The following DZIP1L variants were observed in gnomAD, a reference collection of about 807,000 sequenced individuals.
The protein encoded by DZIP1L is DAZ interacting zinc finger protein 1 like, also known as cilium assembly protein DZIP1L.
A neutral mutation model predicts 88.7 loss-of-function variants in DZIP1L; 90 were observed. The observed-to-expected ratio is 1.02, with a 90% CI of 0.86 to 1.21. The LOEUF is 1.21. Among genes scored for constraint, DZIP1L ranks in the 50% most tolerant of loss-of-function variants. DZIP1L has a pLI of 0.00. For missense variants in DZIP1L, 932 were observed against 955.8 expected (o/e 0.98, Z 0.33); for synonymous variants, 363 against 372.1 (o/e 0.98, Z 0.28).
At chr3:138,114,585 G>C (rs919845326) in intron 1 of DZIP1L, among the ~76,000 whole-genome samples, 3 of 152,154 alleles carry the variant, frequency 2.0e-5, no homozygotes, top group African/African-American at 7.2e-5. Flanking sequence ...CTGCAGATGA[G>C]GGTGTGAGAA....
intron 1 of DZIP1L, among the ~76,000 whole-genome samples, chr3:138,105,170 A>C (rs2042446635): frequency 1.3e-5 from 2 of 152,164 alleles, no homozygotes; most frequent in Admixed American, 1.3e-4. Flanking sequence ...TTTTAATGAC[A>C]TATTAATATA....
intron 7 of DZIP1L, among the ~76,000 whole-genome samples, chr3:138,085,315 A>C (rs1398240798): frequency 6.6e-6 from 1 of 152,212 alleles, no homozygotes; most frequent in African/African-American, 2.4e-5. Context: ...CAGAGTGAAC[A>C]GGCAACCTAC....
At chr3:138,067,472 G>C in intron 14 of DZIP1L, 59 bp downstream of exon 14, 1 of 1,507,320 alleles carries the variant, frequency 6.6e-7, no homozygotes, top group Non-Finnish European at 8.8e-7. Context: ...TGAGAAATCT[G>C]GGCTGGAGAA....
intron 11 of DZIP1L, among the ~76,000 whole-genome samples, chr3:138,072,828 C>G (rs1205972839): frequency 6.6e-6 from 1 of 152,164 alleles, no homozygotes; most frequent in Non-Finnish European, 1.5e-5. Flanking sequence ...TGGTGGGGCA[C>G]AGTGCGAGTG....
Position 138,104,755 on chromosome 3 carries a change from CT to C in DZIP1L, c.-81-704del, listed in dbSNP as rs540564463. ...CACATGGTGCTCAATCCATCATGGG[CT>C]TTTTTTTAACTTAATAGTTAAGTAA... On this transcript the variant is annotated intron_variant, in intron 1 of 15. Coordinates refer to ENST00000327532, the MANE Select transcript of DZIP1L (RefSeq NM_173543.3). 6.9e-4 allele frequency among the ~76,000 whole-genome samples: 105 copies of C among 152,006 alleles called. 1 individual carries two copies. Among genetic ancestry groups the C allele is most frequent in the Admixed American group, 2.7e-3 (41 of 15,266 alleles).
chr3:138,080,398 C>A, intron 10 of DZIP1L, 169 bp downstream of exon 10: 1 of 622,604 alleles, frequency 1.6e-6, no homozygotes, highest in Admixed American at 2.9e-5. Context: ...ACCTGCATGT[C>A]ACATGCCTGG....
In DZIP1L at chr3:138,064,678, TA is replaced by T. The variant is rs747435690; in HGVS notation, c.2091del (p.Phe697LeufsTer80). On this transcript the variant is annotated frameshift_variant, in exon 15 of 16. Coordinates refer to ENST00000327532, the MANE Select transcript of DZIP1L (RefSeq NM_173543.3). LOFTEE classifies it high-confidence loss of function. ...KKPAGGVSLF[F>X]MPNAGPQRAA... ...GCCCTCTGTGGCCCAGCATTGGGCA[TA>T]AAAAACAGACTGACCCCTCCAGCAG... 1 of 1,614,100 alleles carries T rather than the reference TA, an allele frequency of 6.2e-7. No individual in the cohort carries two copies. The highest frequency in any genetic ancestry group is 8.5e-7 in the Non-Finnish European group (1 of 1,179,998).
In DZIP1L at chr3:138,103,905, T is replaced by A. The variant is rs776470429; in HGVS notation, c.67A>T (p.Thr23Ser). Residue 23 changes from threonine to serine, a missense_variant, in exon 2 of 16, where the codon ACC (threonine) becomes TCC (serine). Thr to Ser is a moderately conservative substitution (Grantham distance 58). Transcript: ENST00000327532. Reference sequence around the variant, plus strand: ...TCATGGCGAGGCTGAAACTTGAAGGTGGGGAACGTGTAGGCCCCAAAGAGG... The same window carrying A: ...TCATGGCGAGGCTGAAACTTGAAGGAGGGGAACGTGTAGGCCCCAAAGAGG... ...GPLFGAYTFP[T>S]FKFQPRHDSM... 1 of 1,613,430 alleles carries A rather than the reference T, an allele frequency of 6.2e-7. No individual in the cohort carries two copies. The highest frequency in any genetic ancestry group is 8.5e-7 in the Non-Finnish European group (1 of 1,179,990).
At chr3:138,107,435 GCTTGATATTGGA>G (rs1332173200) in intron 1 of DZIP1L, among the ~76,000 whole-genome samples, 9 of 152,174 alleles carry the variant, frequency 5.9e-5, no homozygotes, top group South Asian at 2.1e-4. Context: ...TGGACTTCAA[GCTTGATATTGGA>G]CTTGATATTG....
chr3:138,106,391 G>C (rs1383167312), intron 1 of DZIP1L, among the ~76,000 whole-genome samples: 2 of 151,208 alleles, frequency 1.3e-5, no homozygotes, highest in South Asian at 4.2e-4. Flanking sequence ...ACCCGCCTCA[G>C]CCTCCCAAAG....
chr3:138,092,663 A>G, intron 4 of DZIP1L, 119 bp from the exon 5 acceptor site: 1 of 1,007,560 alleles, frequency 9.9e-7, no homozygotes, highest in Middle Eastern at 3.3e-4. Context: ...AAGAGCATTC[A>G]TCCCACAGTT....
intron 2 of DZIP1L, 61 bp from the exon 3 acceptor site, chr3:138,097,908 T>C: frequency 6.9e-7 from 1 of 1,458,522 alleles, no homozygotes; most frequent in South Asian, 1.2e-5. Flanking sequence ...GCCTGGGATT[T>C]TCCCTATATC....
chr3:138,081,394 G>A (rs907724058), intron 9 of DZIP1L, among the ~76,000 whole-genome samples: 3 of 152,126 alleles, frequency 2.0e-5, no homozygotes, highest in Admixed American at 1.3e-4. Context: ...AAAAGTTGCT[G>A]GCAACCCTGA....
In DZIP1L at chr3:138,088,475, C is replaced by A; in HGVS notation, c.903G>T (p.Met301Ile). ...CTCGCAGTGATCCCAGCTTGGACTC[C>A]ATCACACTGTGGGACTGCAGTGCCC... ...KLRALQSHSVMESKLGSLRDE... is the reference protein window; with the variant it reads ...KLRALQSHSVIESKLGSLRDE... Residue 301 changes from methionine to isoleucine, a missense_variant, in exon 6 of 16, where the codon ATG becomes ATT. Met to Ile is a conservative substitution (Grantham distance 10, BLOSUM62 1). Coordinates refer to ENST00000327532, the MANE Select transcript of DZIP1L (RefSeq NM_173543.3). 2 of 1,613,988 alleles carry A rather than the reference C, an allele frequency of 1.2e-6. No homozygotes were observed. Among genetic ancestry groups the A allele is most frequent in the Non-Finnish European group, 1.7e-6 (2 of 1,179,952 alleles).
chr3:138,094,455 G>A (rs964821647), intron 4 of DZIP1L, among the ~76,000 whole-genome samples: 2 of 152,164 alleles, frequency 1.3e-5, no homozygotes, highest in African/African-American at 4.8e-5. Flanking sequence ...GGATGAGCAG[G>A]GCAACTTCAT....
chr3:138,111,173 C>T (rs149790995), intron 1 of DZIP1L, among the ~76,000 whole-genome samples: 40 of 152,260 alleles, frequency 2.6e-4, no homozygotes, highest in Middle Eastern at 3.4e-3. Flanking sequence ...TGCTACTGAA[C>T]GGAGCAAAAT....
chr3:138,067,671 G>C lies in DZIP1L; in HGVS notation c.1862C>G (p.Ser621Ter), dbSNP rs760823265. The C allele has an allele frequency of 6.2e-7, 1 of 1,604,200 alleles. No individual in the cohort carries two copies. The highest frequency in any genetic ancestry group is 1.7e-5 in the Admixed American group (1 of 58,286). ...STPPFSSEED[S>*]EGDRVQRVSL... ...CACACGCTGCACACGGTCTCCCTCT[G>C]AGTCCTCTTCAGAACTGAACGGGGG... The change falls in exon 14 of 16, where the codon TCA (serine) becomes TGA (stop). Residue 621 changes from serine to a stop codon, truncating the protein, a stop_gained. Coordinates refer to ENST00000327532, the MANE Select transcript of DZIP1L (RefSeq NM_173543.3). LOFTEE classifies it high-confidence loss of function.
At chr3:138,071,906 C>A in intron 11 of DZIP1L, 71 bp from the exon 12 acceptor site, 1 of 1,429,592 alleles carries the variant, frequency 7.0e-7, no homozygotes, top group Non-Finnish European at 9.4e-7. Flanking sequence ...GCCTCTCACA[C>A]CTGCTGCTGC....
chr3:138,100,567 T>C lies in DZIP1L; in HGVS notation c.502-2720A>G, dbSNP rs560135552. ...GCCCAGGTATCTGAAGTGGGGCCAG[T>C]CTTGTGGGACTGATCCCTTAACTCA... On this transcript the variant is annotated intron_variant, in intron 2 of 15. Transcript: ENST00000327532. 4.6e-5 allele frequency among the ~76,000 whole-genome samples: 7 copies of C among 152,310 alleles called. No homozygotes were observed. The South Asian group carries it at 1.5e-3, about 32-fold the overall frequency.
Sources: gnomAD v4.1 joint callset for allele counts (sites outside exome capture counted in the v4.1 genomes callset) on GRCh38, gnomAD v4.1.1 for gene constraint, MANE v1.5 for transcripts, NCBI Gene and HGNC (gene_info 2026-07-23, HGNC 2026-07-21) for gene names.